The following ZNF678 variants were observed in gnomAD, a reference collection of about 807,000 sequenced individuals.
The protein encoded by ZNF678 is hypothetical protein MGC42493.
In ZNF678, 5 loss-of-function variants were observed where a neutral mutation model predicts 3.0. That is an observed-to-expected ratio of 1.69 (90% CI 0.88 to 3.56). ZNF678 has a LOEUF of 3.56. Ranked by LOEUF, ZNF678 falls within the 30% of genes most tolerant of loss-of-function variation. The pLI, the probability that ZNF678 is intolerant of heterozygous loss-of-function variation, is 0.00. For missense variants in ZNF678, 593 were observed against 605.0 expected (o/e 0.98, Z 0.21); for synonymous variants, 218 against 199.6 (o/e 1.09, Z -0.78).
chr1:227,654,252 G>A (rs771878571), intron 3 of ZNF678, 84 bp from the exon 4 acceptor site: 1 of 1,075,798 alleles, frequency 9.3e-7, no homozygotes, highest in Non-Finnish European at 1.3e-6. Flanking sequence ...TAATGTCTCT[G>A]ATATAATTAT....
At chr1:227,645,583 T>G (rs965135653) in intron 1 of ZNF678, among the ~76,000 whole-genome samples, 2 of 152,232 alleles carry the variant, frequency 1.3e-5, no homozygotes, top group Admixed American at 6.5e-5. Context: ...AATGAATGTT[T>G]CTTTTGTATC....
intron 1 of ZNF678, chr1:227,599,086 G>C: frequency 6.3e-7 from 1 of 1,596,560 alleles, no homozygotes; most frequent in Non-Finnish European, 8.6e-7. Flanking sequence ...CTGAAGACTG[G>C]ATTGGACCCC....
intron 1 of ZNF678, among the ~76,000 whole-genome samples, chr1:227,572,992 C>T (rs1180986903): frequency 4.6e-5 from 7 of 152,254 alleles, no homozygotes; most frequent in Admixed American, 4.6e-4. Context: ...GACTGCGAGA[C>T]AGCCTGGCTA....
chr1:227,600,823 A>T (rs1382621141), intron 1 of ZNF678, among the ~76,000 whole-genome samples: 1 of 152,162 alleles, frequency 6.6e-6, no homozygotes, highest in Non-Finnish European at 1.5e-5. Context: ...TTTCAGTGCA[A>T]TTGCTTTTGG....
At chr1:227,651,953 G>C (rs1477613840) in intron 3 of ZNF678, among the ~76,000 whole-genome samples, 1 of 152,152 alleles carries the variant, frequency 6.6e-6, no homozygotes, top group Non-Finnish European at 1.5e-5. Context: ...AGGACCTCCT[G>C]TTCCAACAAC....
At chr1:227,615,778 G>A (rs1276274031) in intron 1 of ZNF678, among the ~76,000 whole-genome samples, 3 of 152,176 alleles carry the variant, frequency 2.0e-5, no homozygotes, top group Admixed American at 2.0e-4. Context: ...TGTCAGGCAG[G>A]CAGCCTTTCA....
Position 227,598,998 on chromosome 1 carries a change from T to G in ZNF678, c.-164+35274T>G, listed in dbSNP as rs1657665289. On this transcript the variant is annotated intron_variant, in intron 1 of 3. Coordinates refer to ENST00000343776, the MANE Select transcript of ZNF678 (RefSeq NM_001367909.1). The stretch of plus-strand genomic sequence containing the variant: ...TTCAGCCAAAACCTTGGAGCCTTTC[T>G]TTTCTCCTCTTCTAGTTGCTCTTTT... The G allele has an allele frequency of 3.0e-6, 4 of 1,330,532 alleles. No homozygotes were observed. The East Asian group carries it at 9.3e-5, about 31-fold the overall frequency. 82.4% of individuals were successfully genotyped at this position (1,330,532 alleles called of 1,614,324 possible).
chr1:227,662,855 C>G (rs770162267), downstream of ZNF678, among the ~76,000 whole-genome samples: 5 of 152,196 alleles, frequency 3.3e-5, no homozygotes, highest in Non-Finnish European at 5.9e-5. Context: ...CAAGTTACCC[C>G]TTTCTGCAGG....
At chr1:227,581,676 G>C (rs948558612) in intron 1 of ZNF678, among the ~76,000 whole-genome samples, 1 of 152,034 alleles carries the variant, frequency 6.6e-6, no homozygotes, top group African/African-American at 2.4e-5. Flanking sequence ...ATAAAATTTC[G>C]ATTGTGTCTA....
chr1:227,593,857 C>G (rs1571872392), intron 1 of ZNF678, among the ~76,000 whole-genome samples: 1 of 34,604 alleles, frequency 2.9e-5, no homozygotes, highest in South Asian at 1.4e-3. Flanking sequence ...TGAGTCCATC[C>G]CCCCCCCCCC....
intron 1 of ZNF678, among the ~76,000 whole-genome samples, chr1:227,613,944 T>C (rs1003271241): frequency 3.9e-5 from 6 of 152,238 alleles, no homozygotes; most frequent in East Asian, 1.9e-4. Context: ...TGCTGAAATA[T>C]CAACATGATT....
In ZNF678 at chr1:227,675,887, G is replaced by A. The variant is rs932852370; in HGVS notation, c.227-1292G>A. ...ATGTTAAGAATGCAACATCTGCAAG[G>A]TGTTTGCCAGTACTGATAATCTCAA... On this transcript the variant is annotated intron_variant, in intron 5 of 5. Transcript: ENST00000608949. 2.0e-5 allele frequency among the ~76,000 whole-genome samples: 3 copies of A among 152,304 alleles called. No individual in the cohort carries two copies. The South Asian group carries it at 6.2e-4, about 32-fold the overall frequency.
In ZNF678 at chr1:227,658,034, T is replaced by C. The variant is rs1330107908; in HGVS notation, c.*2206T>C. ...TGAGAAATTCTAAGAATAACTTTCA[T>C]AAAATGTATTGATGTTCACAAGATA... On this transcript the variant is annotated 3_prime_UTR_variant, in exon 4 of 4. Transcript: ENST00000343776. The C allele has an allele frequency of 6.6e-6, 1 of 152,060 alleles. No individual in the cohort carries two copies. Among genetic ancestry groups the C allele is most frequent in the African/African-American group, 2.4e-5 (1 of 41,440 alleles). 9.4% of individuals were successfully genotyped at this position (152,060 alleles called of 1,614,324 possible).
chr1:227,618,077 CT>C (rs902442626), intron 1 of ZNF678, among the ~76,000 whole-genome samples: 2 of 152,156 alleles, frequency 1.3e-5, no homozygotes, highest in African/African-American at 4.8e-5. Context: ...CACTTCGCCC[CT>C]AATATAACTC....
intron 1 of ZNF678, among the ~76,000 whole-genome samples, chr1:227,608,921 A>G (rs939426065): frequency 6.6e-6 from 1 of 152,212 alleles, no homozygotes; most frequent in Non-Finnish European, 1.5e-5. Context: ...GTAAATTTGA[A>G]TAAAACAAAG....
chr1:227,573,839 ATAAGTCC>A (rs1263273161), intron 1 of ZNF678, among the ~76,000 whole-genome samples: 1 of 152,184 alleles, frequency 6.6e-6, no homozygotes, highest in East Asian at 1.9e-4. Context: ...CTACCATCAG[ATAAGTCC>A]CAGTGTCTTT....
chr1:227,673,040 C>T (rs1258307316), intron 5 of ZNF678, among the ~76,000 whole-genome samples: 7 of 152,148 alleles, frequency 4.6e-5, no homozygotes, highest in Non-Finnish European at 1.0e-4. Context: ...ATGCCTGTAT[C>T]ATCCTCATAA....
chr1:227,592,192 T>A (rs896943270), intron 1 of ZNF678, among the ~76,000 whole-genome samples: 1 of 152,256 alleles, frequency 6.6e-6, no homozygotes, highest in African/African-American at 2.4e-5. Context: ...TCAGTGGTTA[T>A]GCGGGGATTT....
intron 1 of ZNF678, among the ~76,000 whole-genome samples, chr1:227,579,637 C>T (rs536681893): frequency 6.6e-5 from 10 of 152,226 alleles, no homozygotes; most frequent in South Asian, 2.1e-4. Context: ...GGGGTCATCT[C>T]GCTGGAGGTC....
Sources: gnomAD v4.1 joint callset for allele counts (sites outside exome capture counted in the v4.1 genomes callset) on GRCh38, gnomAD v4.1.1 for gene constraint, MANE v1.5 for transcripts, NCBI Gene and HGNC (gene_info 2026-07-23, HGNC 2026-07-21) for gene names.